Variants in CCDC91 observed in about 807,000 individuals in gnomAD.
CCDC91 encodes coiled-coil domain containing 91.
A neutral mutation model predicts 63.2 loss-of-function variants in CCDC91; 48 were observed. That is an observed-to-expected ratio of 0.76 (90% CI 0.60 to 0.97). The LOEUF is 0.97. Ranked by LOEUF, CCDC91 falls within the 50% of genes least tolerant of loss-of-function variation. The pLI, the probability that CCDC91 is intolerant of heterozygous loss-of-function variation, is 0.00. For synonymous variants in CCDC91, 167 were observed against 165.8 expected, an observed-to-expected ratio of 1.01 and a Z score of -0.06; for missense variants, 500 against 494.6, an observed-to-expected ratio of 1.01 and a Z score of -0.10.
chr12:28,464,806 G>A (rs1178675479), intron 11 of CCDC91, among the ~76,000 whole-genome samples: 3 of 152,048 alleles, frequency 2.0e-5, no homozygotes, highest in East Asian at 1.9e-4. Context: ...GCTAGAGAAC[G>A]GTAGAGGGAA....
intron 12 of CCDC91, among the ~76,000 whole-genome samples, chr12:28,540,336 G>A (rs1040344863): frequency 3.0e-4 from 46 of 152,192 alleles, no homozygotes; most frequent in African/African-American, 1.1e-3. Context: ...TTGCTATAAA[G>A]AAATCTGTCT....
chr12:28,387,308 T>C (rs1337547483), intron 7 of CCDC91, among the ~76,000 whole-genome samples: 1 of 150,848 alleles, frequency 6.6e-6, no homozygotes, highest in South Asian at 2.1e-4. Flanking sequence ...GTTCTTTTAA[T>C]ACCCGACACC....
At chr12:28,485,431 GCCA>G (rs199743526) in intron 12 of CCDC91, among the ~76,000 whole-genome samples, 2,143 of 152,106 alleles carry the variant, frequency 0.014, 19 homozygotes, top group African/African-American at 0.021. Context: ...CTCCCAAAGT[GCCA>G]GGAATACAGG....
chr12:28,539,716 A>G lies in CCDC91; in HGVS notation c.1216-9347A>G, dbSNP rs368282148. ...GAAGTAGGGATGTTAGGATTTTCTT[A>G]CATTCTTAGATCCAGGTGGGAGGCA... On this transcript the variant is annotated intron_variant, in intron 12 of 12. Coordinates refer to ENST00000536442, the MANE Select transcript of CCDC91 (RefSeq NM_018318.5). 1.8e-4 allele frequency among the ~76,000 whole-genome samples: 27 copies of G among 152,300 alleles called. No homozygotes were observed. The East Asian group carries it at 2.7e-3, about 15-fold the overall frequency.
chr12:28,354,472 C>T (rs1053111461), intron 6 of CCDC91, among the ~76,000 whole-genome samples: 9 of 152,144 alleles, frequency 5.9e-5, no homozygotes, highest in South Asian at 4.2e-4. Flanking sequence ...GTTACATGCG[C>T]GGCTACCAGG....
At chr12:28,215,738 G>A (rs1943522175) in intron 1 of CCDC91, among the ~76,000 whole-genome samples, 1 of 152,104 alleles carries the variant, frequency 6.6e-6, no homozygotes, top group Non-Finnish European at 1.5e-5. Flanking sequence ...ATAGACAGAA[G>A]CAGTGGATGT....
chr12:28,239,513 A>G (rs1280252450), intron 1 of CCDC91, among the ~76,000 whole-genome samples: 1 of 152,168 alleles, frequency 6.6e-6, no homozygotes, highest in Non-Finnish European at 1.5e-5. Context: ...CTGGGAGTTC[A>G]TATTAAGGTA....
chr12:28,488,392 C>G (rs1294842050), intron 12 of CCDC91, among the ~76,000 whole-genome samples: 2 of 151,588 alleles, frequency 1.3e-5, no homozygotes, highest in Non-Finnish European at 1.5e-5. Context: ...ATAATCATAA[C>G]CAAAAATTAC....
intron 6 of CCDC91, among the ~76,000 whole-genome samples, chr12:28,339,191 C>T (rs1308998890): frequency 6.6e-6 from 1 of 151,962 alleles, no homozygotes; most frequent in East Asian, 1.9e-4. Context: ...TTCTGTCAGA[C>T]TAACGTGAAG....
At position 28,207,212 on chromosome 12, in the gene CCDC91, T is replaced by C. The variant is rs1942922102; in HGVS notation, c.-15+16571T>C. ...GTAGAGAAATCTTAATCTGTGATCT[T>C]GGGAAAAGCTGTTCACATCAAGGAT... On this transcript the variant is annotated intron_variant, in intron 1 of 12. Coordinates refer to ENST00000536442, the MANE Select transcript of CCDC91 (RefSeq NM_018318.5). Among the ~76,000 whole-genome samples, 3 of 152,348 alleles carry C rather than the reference T, an allele frequency of 2.0e-5. No homozygotes were observed. The Middle Eastern group carries it at 0.01, about 518-fold the overall frequency.
chr12:28,423,250 T>C (rs1948117483), intron 8 of CCDC91, among the ~76,000 whole-genome samples: 1 of 152,144 alleles, frequency 6.6e-6, no homozygotes, highest in South Asian at 2.1e-4. Flanking sequence ...AGAATATTTA[T>C]ATTTTGCAAA....
At chr12:28,298,582 G>A (rs1378233425) in intron 3 of CCDC91, among the ~76,000 whole-genome samples, 1 of 150,090 alleles carries the variant, frequency 6.7e-6, no homozygotes, top group East Asian at 1.9e-4. Context: ...TTTCTTTGTT[G>A]TATTTAAAAA....
chr12:28,351,495 C>T (rs1012790723), intron 6 of CCDC91, among the ~76,000 whole-genome samples: 7 of 152,168 alleles, frequency 4.6e-5, no homozygotes. Context: ...TTGTCTGGGC[C>T]TGTGCTCCAG....
intron 12 of CCDC91, among the ~76,000 whole-genome samples, chr12:28,489,768 A>G (rs1040279266): frequency 1.6e-4 from 25 of 151,936 alleles, no homozygotes; most frequent in Admixed American, 1.6e-3. Flanking sequence ...GGCTCTTTTA[A>G]TCCAGTTTTG....
chr12:28,339,420 T>G (rs2137928188), intron 6 of CCDC91, among the ~76,000 whole-genome samples: 1 of 152,120 alleles, frequency 6.6e-6, no homozygotes, highest in African/African-American at 2.4e-5. Context: ...GGGGCTGGCA[T>G]ACTTAAACAT....
At chr12:28,319,138 A>T (rs1390075704) in intron 6 of CCDC91, among the ~76,000 whole-genome samples, 2 of 151,994 alleles carry the variant, frequency 1.3e-5, no homozygotes, top group Non-Finnish European at 2.9e-5. Context: ...TTAGTTTGGA[A>T]ATTTAAAATG....
intron 10 of CCDC91, 76 bp from the exon 11 acceptor site, chr12:28,452,402 A>C: frequency 3.0e-6 from 3 of 1,000,210 alleles, no homozygotes; most frequent in Non-Finnish European, 4.5e-6. Flanking sequence ...TTTATCTTTT[A>C]GGTTAACCAA....
rs562019726 is a variant in CCDC91 at position 28,384,690 on chromosome 12, A to G, written c.655-6614A>G. ...CTGCTTTACTGGGCTAGAAAAGCTA[A>G]GACAAATGGAAACAAATGGTTAAAA... On this transcript the variant is annotated intron_variant, in intron 7 of 12. Coordinates refer to ENST00000536442, the MANE Select transcript of CCDC91 (RefSeq NM_018318.5). Among the ~76,000 whole-genome samples, 4 of 152,292 alleles carry G rather than the reference A, an allele frequency of 2.6e-5. No individual in the cohort carries two copies. In the South Asian group the frequency reaches 8.3e-4, roughly 32 times the overall value.
intron 3 of CCDC91, among the ~76,000 whole-genome samples, chr12:28,275,585 A>C (rs1417019826): frequency 1.3e-5 from 2 of 152,164 alleles, no homozygotes; most frequent in Admixed American, 1.3e-4. Flanking sequence ...TATTCCAATC[A>C]ATAGAAAACG....
Sources: allele counts gnomAD v4.1 joint callset (sites outside exome capture counted in the v4.1 genomes callset), GRCh38; gene constraint gnomAD v4.1.1; transcripts MANE v1.5; gene names NCBI Gene and HGNC (gene_info 2026-07-23, HGNC 2026-07-21).